The following TWSG1 variants were observed in gnomAD, a reference collection of about 807,000 sequenced individuals.
TWSG1 encodes twisted gastrulation protein homolog 1.
In TWSG1, 15 loss-of-function variants were observed where a neutral mutation model predicts 23.0. The ratio of observed to expected loss-of-function variants is 0.65; its 90% CI spans 0.44 to 1.00. The LOEUF is 1.00. Among genes scored for constraint, TWSG1 ranks in the 50% least tolerant of loss-of-function variants. The pLI is 0.00. For missense variants in TWSG1, 242 were observed against 278.7 expected, an observed-to-expected ratio of 0.87 and a Z score of 0.94; for synonymous variants, 86 against 92.8, an observed-to-expected ratio of 0.93 and a Z score of 0.42.
In TWSG1 at chr18:9,396,333, G is replaced by A. The variant is rs577620730; in HGVS notation, c.277G>A (p.Val93Met). The change falls in exon 4 of 5, where the codon GTG (valine) becomes ATG (methionine). Residue 93 changes from valine to methionine, a missense_variant. By Grantham distance (21) the Val-to-Met change is conservative. Transcript: ENST00000262120. ...SDTPPTSKST[V>M]EELHEPIPSL... is the part of the protein sequence containing the mutation. ...CACACCTCCAACTTCAAAGAGCACA[G>A]TGGAGGAGCTGCATGAACCGATCCC... is the stretch of plus-strand genomic sequence containing the variant. 1.9e-5 allele frequency: 30 copies of A among 1,614,148 alleles called. No homozygotes were observed. In the South Asian group the frequency reaches 3.3e-4, roughly 18 times the overall value.
At chr18:9,367,598 G>T (rs867180536) in intron 3 of TWSG1, among the ~76,000 whole-genome samples, 1 of 152,170 alleles carries the variant, frequency 6.6e-6, no homozygotes, top group Non-Finnish European at 1.5e-5. Context: ...CCAGGCAAGC[G>T]AGCGTCACCG....
Position 9,349,786 on chromosome 18 carries a change from C to T in TWSG1, c.124-10186C>T, listed in dbSNP as rs569376813. Among the ~76,000 whole-genome samples, 22 of 152,292 alleles carry T rather than the reference C, an allele frequency of 1.4e-4. No homozygotes were observed. The East Asian group carries it at 1.9e-3, about 13-fold the overall frequency. On this transcript the variant is annotated intron_variant, in intron 2 of 4. Transcript: ENST00000262120. Reference sequence around the variant, plus strand: ...ATGTAAAATGTTTTCTCTTTTCTCTCGTGAACATTATTTTCCTAAATTGTT... The same window carrying T: ...ATGTAAAATGTTTTCTCTTTTCTCTTGTGAACATTATTTTCCTAAATTGTT...
chr18:9,342,730 A>G (rs1448691552), intron 2 of TWSG1, among the ~76,000 whole-genome samples: 1 of 152,094 alleles, frequency 6.6e-6, no homozygotes, highest in Non-Finnish European at 1.5e-5. Flanking sequence ...TTACTTTCCC[A>G]AGTTGGTTCC....
At chr18:9,394,396 G>A (rs1223250964) in intron 3 of TWSG1, among the ~76,000 whole-genome samples, 2 of 152,182 alleles carry the variant, frequency 1.3e-5, no homozygotes, top group East Asian at 3.9e-4. Context: ...ACGGAGGATG[G>A]TAGAGGCTGA....
chr18:9,385,406 G>GAAGTAAAAAGCA (rs1598833446), intron 3 of TWSG1, among the ~76,000 whole-genome samples: 1 of 113,786 alleles, frequency 8.8e-6, no homozygotes, highest in African/African-American at 3.9e-5. Context: ...AAGAAAGAAC[G>GAAGTAAAAAGCA]GGCCGGGCGC....
intron 3 of TWSG1, among the ~76,000 whole-genome samples, chr18:9,382,518 G>T (rs2040662273): frequency 6.6e-6 from 1 of 150,464 alleles, no homozygotes; most frequent in African/African-American, 2.4e-5. Flanking sequence ...GTGAGACTCT[G>T]TCTCAAAAAA....
At chr18:9,380,696 T>G (rs1273071693) in intron 3 of TWSG1, among the ~76,000 whole-genome samples, 2 of 152,240 alleles carry the variant, frequency 1.3e-5, no homozygotes, top group African/African-American at 2.4e-5. Context: ...AGACTGCATT[T>G]TTGTGGCTCT....
chr18:9,381,102 A>G (rs1568038058), intron 3 of TWSG1, among the ~76,000 whole-genome samples: 1 of 152,220 alleles, frequency 6.6e-6, no homozygotes, highest in Non-Finnish European at 1.5e-5. Context: ...CTCCGTATTC[A>G]TGCTGAGGAA....
At chr18:9,375,578 A>G (rs1364329524) in intron 3 of TWSG1, among the ~76,000 whole-genome samples, 2 of 152,260 alleles carry the variant, frequency 1.3e-5, no homozygotes, top group Non-Finnish European at 2.9e-5. Flanking sequence ...ATGATTGTCT[A>G]TGTAGAAAAC....
At chr18:9,367,213 T>C (rs527439554) in intron 3 of TWSG1, among the ~76,000 whole-genome samples, 4 of 152,316 alleles carry the variant, frequency 2.6e-5, no homozygotes, top group Admixed American at 2.6e-4. Flanking sequence ...ATTACAAGTG[T>C]GAGCCACTGT....
chr18:9,388,257 C>T (rs1440781909), intron 3 of TWSG1: 1 of 152,152 alleles, frequency 6.6e-6, no homozygotes, highest in Non-Finnish European at 1.5e-5. Context: ...TCAGGTCATG[C>T]CATGTGAAAT....
chr18:9,392,962 G>A (rs1203607272), intron 3 of TWSG1, among the ~76,000 whole-genome samples: 1 of 152,222 alleles, frequency 6.6e-6, no homozygotes, highest in East Asian at 1.9e-4. Context: ...AGTTGAGCTT[G>A]CATATGGAGG....
At chr18:9,335,655 G>T (rs1481200935) in intron 1 of TWSG1, among the ~76,000 whole-genome samples, 1 of 152,146 alleles carries the variant, frequency 6.6e-6, no homozygotes, top group Non-Finnish European at 1.5e-5. Flanking sequence ...ATCCTACTTG[G>T]TATGCGGCGT....
chr18:9,397,782 C>G (rs1346335184), intron 4 of TWSG1, among the ~76,000 whole-genome samples: 1 of 151,984 alleles, frequency 6.6e-6, no homozygotes, highest in African/African-American at 2.4e-5. Flanking sequence ...GAGGCGGGCA[C>G]ATCACCTGAG....
rs2040760009 is a variant in TWSG1 at position 9,400,955 on chromosome 18, C to T, written c.*1428C>T. 6.6e-6 allele frequency: 1 copy of T among 152,148 alleles called. No homozygotes were observed. Among genetic ancestry groups the T allele is most frequent in the Non-Finnish European group, 1.5e-5 (1 of 68,026 alleles). The allele number at this position is 152,148 out of a possible 1,614,324, so 9.4% of individuals were successfully genotyped here. On this transcript the variant is annotated 3_prime_UTR_variant, in exon 5 of 5. Transcript: ENST00000262120. ...TTAGGAATACCTCTTTATACGTCTACATATTTTAGTATATAAAAATAGATA... is the reference window on the plus strand; with the variant it reads ...TTAGGAATACCTCTTTATACGTCTATATATTTTAGTATATAAAAATAGATA...
rs1437716205 is a variant in TWSG1, at chr18:9,372,190, TA to T, written c.223+12120del. ...ATTTGTATATACAGTAGTTCCCCCT[TA>T]TCGGTGGGAGATACATTCCAGGGCC... On this transcript the variant is annotated intron_variant, in intron 3 of 4. Transcript: ENST00000262120. Among the ~76,000 whole-genome samples, 3 of 151,670 alleles carry T rather than the reference TA, an allele frequency of 2.0e-5. No homozygotes were observed. In the East Asian group the frequency reaches 5.8e-4, roughly 29 times the overall value.
chr18:9,355,670 T>C (rs1345832802), intron 2 of TWSG1, among the ~76,000 whole-genome samples: 7 of 152,232 alleles, frequency 4.6e-5, no homozygotes, highest in African/African-American at 9.6e-5. Flanking sequence ...ATATTTTTGC[T>C]CTCCTGATTT....
chr18:9,399,536 A>G lies in TWSG1; in HGVS notation c.*9A>G, dbSNP rs1222776715. The G allele has an allele frequency of 6.3e-7, 1 of 1,591,574 alleles. No homozygotes were observed. The highest frequency in any genetic ancestry group is 8.5e-7 in the Non-Finnish European group (1 of 1,171,362). On this transcript the variant is annotated 3_prime_UTR_variant, in exon 5 of 5. Coordinates refer to ENST00000262120, the MANE Select transcript of TWSG1 (RefSeq NM_020648.6). ...TGAACTGCATGTTTTAAAGAAGACA[A>G]ATGCAAACCAAAGCAACTTAGTAAA...
Position 9,401,829 on chromosome 18 carries a change from A to G in TWSG1, c.*2302A>G, listed in dbSNP as rs2040763982. The G allele has an allele frequency of 6.6e-6, 1 of 152,100 alleles. No homozygotes were observed. Among genetic ancestry groups the G allele is most frequent in the Admixed American group, 6.6e-5 (1 of 15,262 alleles). The allele number at this position is 152,100 out of a possible 1,614,324, so 9.4% of individuals were successfully genotyped here. On this transcript the variant is annotated 3_prime_UTR_variant, in exon 5 of 5. Coordinates refer to ENST00000262120, the MANE Select transcript of TWSG1 (RefSeq NM_020648.6). Reference sequence around the variant, plus strand: ...CACTTCTATATTGAAGTTTTGGTAAAAATTCTTTTTTCTTTTTTAATAAAA... The same window carrying G: ...CACTTCTATATTGAAGTTTTGGTAAGAATTCTTTTTTCTTTTTTAATAAAA...
Sources: allele counts gnomAD v4.1 joint callset (sites outside exome capture counted in the v4.1 genomes callset), GRCh38; gene constraint gnomAD v4.1.1; transcripts MANE v1.5; gene names NCBI Gene and HGNC (gene_info 2026-07-23, HGNC 2026-07-21).